Variants in MMS22L observed in about 807,000 individuals in gnomAD.
The protein encoded by MMS22L is MMS22 like, DNA repair protein, also known as protein MMS22-like.
In MMS22L, 74 loss-of-function variants were observed where a neutral mutation model predicts 159.1. The ratio of observed to expected loss-of-function variants is 0.47; its 90% CI spans 0.39 to 0.56. The LOEUF is 0.56. MMS22L is among the 20% of genes least tolerant of loss of function. The pLI is 0.00. For synonymous variants in MMS22L, 517 were observed against 506.9 expected (o/e 1.02, Z -0.27); for missense variants, 1,351 against 1,422.1 (o/e 0.95, Z 0.80).
At chr6:97,148,687 A>G (rs940889044) in intron 24 of MMS22L, among the ~76,000 whole-genome samples, 2 of 152,144 alleles carry the variant, frequency 1.3e-5, no homozygotes, top group African/African-American at 4.8e-5. Flanking sequence ...AAAAAAGTTA[A>G]AAAAAGAAAA....
intron 14 of MMS22L, among the ~76,000 whole-genome samples, chr6:97,197,535 G>A (rs1203742224): frequency 1.3e-5 from 2 of 152,112 alleles, no homozygotes; most frequent in Non-Finnish European, 2.9e-5. Context: ...AAATGTACAT[G>A]CCTTATAAAA....
At chr6:97,223,743 T>C (rs1041142075) in intron 14 of MMS22L, among the ~76,000 whole-genome samples, 2 of 152,166 alleles carry the variant, frequency 1.3e-5, no homozygotes, top group Admixed American at 1.3e-4. Flanking sequence ...AACTAAAGGC[T>C]GGACTGCCTT....
At chr6:97,270,278 C>G in intron 6 of MMS22L, 1 of 546,496 alleles carries the variant, frequency 1.8e-6, no homozygotes, top group Non-Finnish European at 3.5e-6. Flanking sequence ...TCTGATTCTA[C>G]TACAGCTGCA....
intron 1 of MMS22L, among the ~76,000 whole-genome samples, chr6:97,282,814 G>C (rs1008714983): frequency 2.6e-5 from 4 of 152,140 alleles, no homozygotes; most frequent in African/African-American, 7.2e-5. Context: ...ATGTCTGCAG[G>C]ACATAGCGTC....
At position 97,197,148 on chromosome 6, in the gene MMS22L, G is replaced by A. The variant is rs143702572; in HGVS notation, c.2040-10458C>T. 1.2e-3 allele frequency among the ~76,000 whole-genome samples: 187 copies of A among 152,262 alleles called. 1 individual carries two copies. The highest frequency in any genetic ancestry group is 4.3e-3 in the African/African-American group (177 of 41,560). ...TTCAAGGAAATGGTTGAGGGTAAAG[G>A]CCACAATTAAGGCTTGGGTACATCC... is the stretch of plus-strand genomic sequence containing the variant. On this transcript the variant is annotated intron_variant, in intron 14 of 24. Transcript: ENST00000683635.
rs537495822 is a variant in MMS22L, at chr6:97,274,531, A to G, written c.341-1469T>C. Among the ~76,000 whole-genome samples, 32 of 152,262 alleles carry G rather than the reference A, an allele frequency of 2.1e-4. 1 individual carries two copies. Among genetic ancestry groups the G allele is most frequent in the Middle Eastern group, 3.4e-3 (1 of 294 alleles). On this transcript the variant is annotated intron_variant, in intron 4 of 24. Transcript: ENST00000683635. ...TTTCAGGCTCTGGACACAAGACAATATAAGATTGCTCTCCCAGAGAGAAAC... is the reference window on the plus strand; with the variant it reads ...TTTCAGGCTCTGGACACAAGACAATGTAAGATTGCTCTCCCAGAGAGAAAC...
chr6:97,176,914 C>T (rs776068757), intron 18 of MMS22L, among the ~76,000 whole-genome samples: 3 of 151,972 alleles, frequency 2.0e-5, no homozygotes, highest in Non-Finnish European at 2.9e-5. Context: ...ATCACAGAAC[C>T]GAGGGATAAT....
chr6:97,281,201 C>G (rs763313964), intron 3 of MMS22L, 36 bp downstream of exon 3: 1 of 1,580,842 alleles, frequency 6.3e-7, no homozygotes, highest in Admixed American at 1.9e-5. Context: ...AAGTGAACAA[C>G]ACCTACACTC....
intron 14 of MMS22L, among the ~76,000 whole-genome samples, chr6:97,217,054 T>G (rs1458468588): frequency 6.6e-6 from 1 of 152,150 alleles, no homozygotes; most frequent in East Asian, 1.9e-4. Flanking sequence ...CACCCTTATG[T>G]TTTCTCTTTT....
intron 14 of MMS22L, among the ~76,000 whole-genome samples, chr6:97,214,659 T>C (rs1194372722): frequency 2.7e-5 from 4 of 149,738 alleles, no homozygotes; most frequent in Non-Finnish European, 5.9e-5. Flanking sequence ...AGAGATCTTA[T>C]ATCATAAGAT....
At position 97,142,568 on chromosome 6, in the gene MMS22L, GTC is replaced by G. The variant is rs1245467303; in HGVS notation, c.*4236_*4237del. 1 of 152,068 alleles carries G rather than the reference GTC, an allele frequency of 6.6e-6. No individual in the cohort carries two copies. The highest frequency in any genetic ancestry group is 1.5e-5 in the Non-Finnish European group (1 of 67,936). The allele number at this position is 152,068 out of a possible 1,614,324, so 9.4% of individuals were successfully genotyped here. Reference sequence around the variant, plus strand: ...GGAAAATAAAAGATTTATATAAAAAGTCTGGATAAAAAAGCAGTGGTTTAGTA... The same window carrying G: ...GGAAAATAAAAGATTTATATAAAAAGTGGATAAAAAAGCAGTGGTTTAGTA... On this transcript the variant is annotated 3_prime_UTR_variant, in exon 25 of 25. Coordinates refer to ENST00000683635, the MANE Select transcript of MMS22L (RefSeq NM_001350599.2).
chr6:97,268,073 T>C, intron 7 of MMS22L, 71 bp from the exon 8 acceptor site: 3 of 1,065,324 alleles, frequency 2.8e-6, no homozygotes, highest in Non-Finnish European at 3.8e-6. Flanking sequence ...TGACTGTACA[T>C]CTTTAAATTA....
intron 14 of MMS22L, among the ~76,000 whole-genome samples, chr6:97,197,870 A>G (rs1806708676): frequency 6.6e-6 from 1 of 152,104 alleles, no homozygotes; most frequent in Admixed American, 6.6e-5. Flanking sequence ...TATTAAGAAC[A>G]CCTCACAATC....
intron 7 of MMS22L, 55 bp from the exon 8 acceptor site, chr6:97,268,057 A>G: frequency 8.2e-7 from 1 of 1,216,430 alleles, no homozygotes; most frequent in East Asian, 2.8e-5. Flanking sequence ...GTCAGAAAGG[A>G]AAAAGTGACT....
chr6:97,203,294 GTTAT>G (rs113728166), intron 14 of MMS22L, among the ~76,000 whole-genome samples: 3,153 of 150,254 alleles, frequency 0.021, 114 homozygotes, highest in African/African-American at 0.075. Flanking sequence ...AACAGGACTG[GTTAT>G]TTATTTATTT....
intron 13 of MMS22L, 65 bp from the exon 14 acceptor site, chr6:97,229,468 A>T: frequency 8.2e-7 from 1 of 1,220,380 alleles, no homozygotes; most frequent in Non-Finnish European, 1.1e-6. Context: ...ATCTCTTAAA[A>T]GAAAATTTGT....
At chr6:97,272,117 T>C (rs1356005312) in intron 6 of MMS22L, 2 of 152,198 alleles carry the variant, frequency 1.3e-5, no homozygotes, top group Non-Finnish European at 2.9e-5. Context: ...CCCATTTTCA[T>C]AGGCAGAATC....
At chr6:97,255,960 A>G (rs1813759475) in intron 9 of MMS22L, among the ~76,000 whole-genome samples, 1 of 152,054 alleles carries the variant, frequency 6.6e-6, no homozygotes, top group Non-Finnish European at 1.5e-5. Flanking sequence ...TTTTCTATCA[A>G]TTTTGAACCT....
chr6:97,246,088 C>CT, intron 11 of MMS22L: 4 of 398,652 alleles, frequency 1.0e-5, no homozygotes, highest in Non-Finnish European at 1.9e-5. Flanking sequence ...TGATGAACAG[C>CT]ATGTTTAAAA....
Sources: allele counts gnomAD v4.1 joint callset (sites outside exome capture counted in the v4.1 genomes callset), GRCh38; gene constraint gnomAD v4.1.1; transcripts MANE v1.5; gene names NCBI Gene and HGNC (gene_info 2026-07-23, HGNC 2026-07-21).